The following NUP98 variants were observed in gnomAD, a reference collection of about 807,000 sequenced individuals.
NUP98 encodes nuclear pore complex protein Nup98-Nup96.
Under a neutral mutation model 191.9 loss-of-function variants are expected in NUP98, and 26 were observed. That is an observed-to-expected ratio of 0.14 (90% CI 0.10 to 0.19). NUP98 has a LOEUF of 0.19. Ranked by LOEUF, NUP98 falls within the 10% of genes least tolerant of loss-of-function variation. NUP98 has a pLI of 1.00. For synonymous variants in NUP98, 808 were observed against 778.4 expected (o/e 1.04, Z -0.63); for missense variants, 1,941 against 2,178.8 (o/e 0.89, Z 2.17).
At chr11:3,691,244 CT>C in intron 28 of NUP98, 102 bp downstream of exon 28, 2 of 1,274,602 alleles carry the variant, frequency 1.6e-6, no homozygotes, top group South Asian at 2.7e-5. Context: ...TTTATATGGA[CT>C]TACAGCAATC....
chr11:3,773,834 C>G (rs1313802467), intron 5 of NUP98, 95 bp from the exon 6 acceptor site: 1 of 670,722 alleles, frequency 1.5e-6, no homozygotes, highest in Non-Finnish European at 2.6e-6. Flanking sequence ...TAAAACTAGT[C>G]CCCCCAGGTC....
At chr11:3,751,750 T>C (rs1012261562) in intron 11 of NUP98, among the ~76,000 whole-genome samples, 1 of 151,892 alleles carries the variant, frequency 6.6e-6, no homozygotes, top group Non-Finnish European at 1.5e-5. Flanking sequence ...TCCCAGTTAC[T>C]AGGGAGGCTG....
rs1386769073 is a variant in NUP98, at chr11:3,771,688, G to T, written c.784+60C>A. ...GCACTTATCCCAAAATGGCAATTAT[G>T]TTTTAGTTTTAGTTATCTGTCTCTC... On this transcript the variant is annotated intron_variant, in intron 7 of 32. Transcript: ENST00000324932. 8.9e-6 allele frequency: 13 copies of T among 1,459,510 alleles called. No individual in the cohort carries two copies. The Admixed American group carries it at 2.3e-4, about 26-fold the overall frequency. 90.4% of individuals were successfully genotyped at this position (1,459,510 alleles called of 1,614,324 possible). A position where few individuals can be genotyped will look rare whatever the true frequency, so the allele number is the denominator to read the frequency against.
intron 27 of NUP98, among the ~76,000 whole-genome samples, chr11:3,692,894 G>T (rs1256598175): frequency 6.6e-6 from 1 of 152,044 alleles, no homozygotes; most frequent in Non-Finnish European, 1.5e-5. Flanking sequence ...AACTGACAAG[G>T]AATATAAAAT....
chr11:3,743,618 GC>G (rs2080371107), intron 12 of NUP98, among the ~76,000 whole-genome samples: 1 of 138,972 alleles, frequency 7.2e-6, no homozygotes, highest in Non-Finnish European at 1.5e-5. Flanking sequence ...CTGTACTCCA[GC>G]CTGGGCAACA....
chr11:3,738,243 A>G (rs2080148944), intron 12 of NUP98, among the ~76,000 whole-genome samples: 1 of 152,206 alleles, frequency 6.6e-6, no homozygotes, highest in African/African-American at 2.4e-5. Context: ...ATAGATTAGC[A>G]AAAACAAGAA....
intron 12 of NUP98, among the ~76,000 whole-genome samples, chr11:3,739,537 G>A (rs186471641): frequency 1.3e-5 from 2 of 152,196 alleles, no homozygotes; most frequent in Admixed American, 1.3e-4. Context: ...GTGAGGCACC[G>A]CACCAGGCCT....
At position 3,702,815 on chromosome 11, in the gene NUP98, G is replaced by T. The variant is rs747157197; in HGVS notation, c.3160C>A (p.Pro1054Thr). ...PSVSVQECRT[P>T]RAASLMNIPS... ...ATATTCATTAAAGATGCTGCTCTGGGAGTACGACATTCTTGCACAGAGACA... is the reference window on the plus strand; with the variant it reads ...ATATTCATTAAAGATGCTGCTCTGGTAGTACGACATTCTTGCACAGAGACA... The change falls in exon 23 of 33, where the codon CCC (proline) becomes ACC (threonine). Residue 1054 changes from proline to threonine, a missense_variant. Pro to Thr is a conservative substitution (Grantham distance 38). This residue lies in a region of NUP98 where 1,030 missense variants were observed against 1,115.8 expected (regional missense o/e 0.92). Transcript: ENST00000324932. The T allele has an allele frequency of 1.9e-6, 3 of 1,614,148 alleles. No individual in the cohort carries two copies. The highest frequency in any genetic ancestry group is 2.5e-6 in the Non-Finnish European group (3 of 1,180,018).
rs546571192 is a variant in NUP98, at chr11:3,723,561, A to G, written c.1848-106T>C. 1.3e-5 allele frequency: 11 copies of G among 843,646 alleles called. No homozygotes were observed. In the African/African-American group the frequency reaches 1.4e-4, roughly 10 times the overall value. 52.3% of individuals were successfully genotyped at this position (843,646 alleles called of 1,614,324 possible). A position where few individuals can be genotyped will look rare whatever the true frequency, so the allele number is the denominator to read the frequency against. Reference sequence around the variant, plus strand: ...CTAAGTGCCTGGCACTGTTCTGGATAGTTCCATGTATTAAAAATTCACTTA... The same window carrying G: ...CTAAGTGCCTGGCACTGTTCTGGATGGTTCCATGTATTAAAAATTCACTTA... On this transcript the variant is annotated intron_variant, in intron 15 of 32. Transcript: ENST00000324932.
chr11:3,694,009 T>C (rs1215765757), intron 26 of NUP98, among the ~76,000 whole-genome samples: 5 of 151,774 alleles, frequency 3.3e-5, no homozygotes, highest in African/African-American at 7.3e-5. Flanking sequence ...GGTGGTCGGA[T>C]TACCTGAGGT....
At chr11:3,716,168 C>T (rs619479) in intron 18 of NUP98, among the ~76,000 whole-genome samples, 25,743 of 152,026 alleles carry the variant, frequency 0.17, 2,347 homozygotes, top group East Asian at 0.26. Context: ...TGTTATGAAG[C>T]TTTTCCTCTG....
At chr11:3,742,204 A>G (rs1205324092) in intron 12 of NUP98, among the ~76,000 whole-genome samples, 1 of 152,160 alleles carries the variant, frequency 6.6e-6, no homozygotes, top group African/African-American at 2.4e-5. Flanking sequence ...GTTCTATGGA[A>G]GTCAGTAAGC....
At chr11:3,697,292 G>A (rs2078539245) in intron 25 of NUP98, 1 of 152,168 alleles carries the variant, frequency 6.6e-6, no homozygotes, top group African/African-American at 2.4e-5. Flanking sequence ...CAGGCTAAAT[G>A]TGTAGTGACA....
Position 3,725,401 on chromosome 11 carries a change from T to G in NUP98, c.1731-182A>C, listed in dbSNP as rs2079579471. Among the ~76,000 whole-genome samples the G allele has an allele frequency of 2.0e-5, 3 of 152,188 alleles. No individual in the cohort carries two copies. In the South Asian group the frequency reaches 6.2e-4, roughly 32 times the overall value. ...AGGATTGTATAGCCAAAACACAAGG[T>G]GTCAAATACATTGTACTATGGTGTT... On this transcript the variant is annotated intron_variant, in intron 14 of 32. Coordinates refer to ENST00000324932, the MANE Select transcript of NUP98 (RefSeq NM_016320.5).
In NUP98 at chr11:3,700,696, A is replaced by G; in HGVS notation, c.3656T>C (p.Leu1219Pro). The change falls in exon 24 of 33, where the codon CTC becomes CCC. Residue 1219 changes from leucine to proline, a missense_variant. Coordinates refer to ENST00000324932, the MANE Select transcript of NUP98 (RefSeq NM_016320.5). ...STVHVDELCP[L>P]IVPNLGVAVI... ...AGCAACTCCCAGATTGGGGACAATGAGAGGACACAGTTCATCCACATGGAC... is the reference window on the plus strand; with the variant it reads ...AGCAACTCCCAGATTGGGGACAATGGGAGGACACAGTTCATCCACATGGAC... 1 of 1,614,214 alleles carries G rather than the reference A, an allele frequency of 6.2e-7. No individual in the cohort carries two copies. The highest frequency in any genetic ancestry group is 8.5e-7 in the Non-Finnish European group (1 of 1,180,024).
intron 2 of NUP98, 92 bp from the exon 3 acceptor site, chr11:3,779,349 T>G: frequency 8.9e-7 from 1 of 1,129,204 alleles, no homozygotes; most frequent in Non-Finnish European, 1.3e-6. Flanking sequence ...TTCTTAAAAT[T>G]CTGCATTTGA....
At chr11:3,758,409 T>TG (rs2081052737) in intron 10 of NUP98, among the ~76,000 whole-genome samples, 2 of 151,708 alleles carry the variant, frequency 1.3e-5, no homozygotes, top group Non-Finnish European at 2.9e-5. Flanking sequence ...AAACGGTCCA[T>TG]GGGGAAGGGT....
At chr11:3,719,823 G>A (rs1200703124) in intron 17 of NUP98, among the ~76,000 whole-genome samples, 1 of 144,716 alleles carries the variant, frequency 6.9e-6, no homozygotes, top group Non-Finnish European at 1.5e-5. Context: ...GAAGTGCAGT[G>A]GTCCTGTCTC....
intron 20 of NUP98, among the ~76,000 whole-genome samples, chr11:3,709,129 T>C (rs1261444678): frequency 6.6e-6 from 1 of 152,190 alleles, no homozygotes; most frequent in African/African-American, 2.4e-5. Flanking sequence ...ACAGAGTGAA[T>C]GACAAGTCCA....
Sources: gnomAD v4.1 joint callset for allele counts (sites outside exome capture counted in the v4.1 genomes callset) on GRCh38, gnomAD v4.1.1 for gene constraint, gnomAD v4.1.1 regional missense constraint, MANE v1.5 for transcripts, NCBI Gene and HGNC (gene_info 2026-07-23, HGNC 2026-07-21) for gene names.